Variants in LIPJ observed in about 807,000 individuals in gnomAD.
LIPJ encodes lipase member J.
In LIPJ, 33 loss-of-function variants were observed where a neutral mutation model predicts 39.8. The observed-to-expected ratio is 0.83, with a 90% CI of 0.63 to 1.11. The LOEUF is 1.11. Ranked by LOEUF, LIPJ falls within the 50% of genes least tolerant of loss-of-function variation. The probability of loss-of-function intolerance (pLI) is 0.00; values close to 1 mark genes in which losing one functional copy is unlikely to be tolerated. For missense variants in LIPJ, 422 were observed against 427.9 expected (o/e 0.99, Z 0.12); for synonymous variants, 128 against 139.2 (o/e 0.92, Z 0.57).
At chr10:88,613,824 AT>A in the LIPJ span, among the ~76,000 whole-genome samples, 1 of 76,234 alleles carries the variant, frequency 1.3e-5, no homozygotes, top group Non-Finnish European at 2.6e-5. Flanking sequence ...GTGTATATAT[AT>A]ATATGTGTGT....
chr10:88,588,001 A>G (rs1850963920), intron 2 of LIPJ, among the ~76,000 whole-genome samples: 1 of 152,018 alleles, frequency 6.6e-6, no homozygotes, highest in Admixed American at 6.6e-5. Context: ...TTCAAAATCC[A>G]GAGTTTATTT....
downstream of LIPJ, among the ~76,000 whole-genome samples, chr10:88,609,080 A>C (rs1381049753): frequency 6.6e-6 from 1 of 152,196 alleles, no homozygotes; most frequent in African/African-American, 2.4e-5. Context: ...TGTTTTCAAT[A>C]AATCTCTGCT....
At chr10:88,608,730 GAAAT>G (rs1288139807), downstream of LIPJ, among the ~76,000 whole-genome samples, 1 of 152,188 alleles carries the variant, frequency 6.6e-6, no homozygotes, top group Non-Finnish European at 1.5e-5. Context: ...ATGGACATCT[GAAAT>G]TATTATACAA....
At chr10:88,596,356 C>A (rs1348635398) in exon 7 of LIPJ, 3 of 1,561,810 alleles carry the variant, frequency 1.9e-6, no homozygotes, top group Non-Finnish European at 1.7e-6. Flanking sequence ...CAGTTTTTTC[C>A]ACAAAGTACT....
In LIPJ at chr10:88,589,747, T is replaced by G. The variant is rs566553239; in HGVS notation, c.-103-838T>G. Among the ~76,000 whole-genome samples the G allele has an allele frequency of 1.1e-4, 16 of 151,946 alleles. No individual in the cohort carries two copies. In the South Asian group the frequency reaches 2.9e-3, roughly 28 times the overall value. On this transcript the variant is annotated intron_variant, in intron 2 of 10. Coordinates refer to ENST00000371939, the Ensembl canonical transcript of LIPJ. ...TAAGGAGGATTGTTACATATTAATG[T>G]CAGCTCTATGACAGATATTACACTA...
At chr10:88,598,185 GC>G (rs1851326920) in intron 8 of LIPJ, among the ~76,000 whole-genome samples, 1 of 151,960 alleles carries the variant, frequency 6.6e-6, no homozygotes, top group Admixed American at 6.6e-5. Context: ...AGTCTCTTGA[GC>G]CTAGCAAGAT....
exon 5 of LIPJ, chr10:88,594,035 A>C (rs752951140): frequency 6.2e-7 from 1 of 1,612,252 alleles, no homozygotes; most frequent in African/African-American, 1.3e-5. Context: ...TCTGGGCTTC[A>C]TTCTGGCAGA....
At chr10:88,592,392 G>A (rs1399232510) in intron 4 of LIPJ, 1 of 151,866 alleles carries the variant, frequency 6.6e-6, no homozygotes, top group African/African-American at 2.4e-5. Flanking sequence ...CACAGCAAGT[G>A]CCTTAGAGTG....
intron 4 of LIPJ, chr10:88,593,718 T>C (rs1335152120): frequency 2.6e-6 from 1 of 387,398 alleles, no homozygotes; most frequent in Non-Finnish European, 4.6e-6. Flanking sequence ...TATTTAAGTG[T>C]GATGTGACCT....
At chr10:88,588,512 CA>C (rs1220067019) in intron 2 of LIPJ, among the ~76,000 whole-genome samples, 3 of 151,796 alleles carry the variant, frequency 2.0e-5, no homozygotes, top group Non-Finnish European at 4.4e-5. Context: ...TTCATTTCAA[CA>C]TAAAGTCTAG....
At chr10:88,596,798 A>T (rs41299155) in exon 8 of LIPJ, 18,272 of 1,598,856 alleles carry the variant, frequency 0.011, 517 homozygotes, top group South Asian at 0.08. Flanking sequence ...AGGCTTTTTC[A>T]GGCAACAAAG....
downstream of LIPJ, chr10:88,607,126 G>A (rs558193345): frequency 5.3e-6 from 2 of 376,284 alleles, no homozygotes; most frequent in East Asian, 4.1e-5. Context: ...AGCCTGTTGA[G>A]TTTCAAAATA....
chr10:88,616,094 G>A, the LIPJ span, among the ~76,000 whole-genome samples: 1 of 152,160 alleles, frequency 6.6e-6, no homozygotes, highest in Non-Finnish European at 1.5e-5. Context: ...GGATACATAA[G>A]TTTTGGTGTG....
the LIPJ span, among the ~76,000 whole-genome samples, chr10:88,612,512 A>C: frequency 6.6e-6 from 1 of 152,244 alleles, no homozygotes; most frequent in Admixed American, 6.5e-5. Context: ...ATAAGATCTC[A>C]CAGAAACTCA....
downstream of LIPJ, among the ~76,000 whole-genome samples, chr10:88,608,492 A>G (rs1851712736): frequency 6.6e-6 from 1 of 152,220 alleles, no homozygotes; most frequent in Non-Finnish European, 1.5e-5. Flanking sequence ...TCTTCATTCC[A>G]TTTCCTGAAT....
At chr10:88,583,409 C>T (rs1304245737), upstream of LIPJ, 2 of 1,365,226 alleles carry the variant, frequency 1.5e-6, no homozygotes, top group Non-Finnish European at 1.9e-6. Context: ...CCTGGGGCTG[C>T]GGAGAACCGG....
At chr10:88,591,468 T>C in exon 4 of LIPJ, 1 of 1,601,920 alleles carries the variant, frequency 6.2e-7, no homozygotes, top group Non-Finnish European at 8.5e-7. Flanking sequence ...TAGAATTCCT[T>C]ATTGGAGGAC....
At chr10:88,584,444 T>C (rs1047900772), upstream of LIPJ, 5 of 152,270 alleles carry the variant, frequency 3.3e-5, no homozygotes, top group Admixed American at 6.5e-5. Context: ...TTATTCAAAG[T>C]CTTAAAGACA....
chr10:88,608,213 G>T (rs1268835203), downstream of LIPJ, among the ~76,000 whole-genome samples: 1 of 152,210 alleles, frequency 6.6e-6, no homozygotes, highest in Non-Finnish European at 1.5e-5. Flanking sequence ...GAAGTTCACA[G>T]TCCAGAGGCA....
Sources: allele counts gnomAD v4.1 joint callset (sites outside exome capture counted in the v4.1 genomes callset), GRCh38; gene constraint gnomAD v4.1.1; transcripts MANE v1.5; gene names NCBI Gene and HGNC (gene_info 2026-07-23, HGNC 2026-07-21).